The following FGF12 variants were observed in gnomAD, a reference collection of about 807,000 sequenced individuals.
FGF12 encodes fibroblast growth factor 12.
Under a neutral mutation model 23.6 loss-of-function variants are expected in FGF12, and 14 were observed. The observed-to-expected ratio is 0.59, with a 90% confidence interval of 0.39 to 0.93. The LOEUF (loss-of-function observed/expected upper bound fraction) is 0.93, where lower values mean the gene tolerates loss of function less well. Ranked by LOEUF, FGF12 falls within the 40% of genes least tolerant of loss-of-function variation. The probability of loss-of-function intolerance (pLI) is 0.00; values close to 1 mark genes in which losing one functional copy is unlikely to be tolerated. For synonymous variants in FGF12, 62 were observed against 77.3 expected (o/e 0.80, Z 1.04); for missense variants, 175 against 217.8 (o/e 0.80, Z 1.24).
chr3:192,539,288 G>C (rs3907651), intron 2 of FGF12, among the ~76,000 whole-genome samples: 109,128 of 152,082 alleles, frequency 0.72, 39,516 homozygotes, highest in African/African-American at 0.81. Flanking sequence ...TCATATATGG[G>C]TTTTATTGTG....
At chr3:192,165,517 AT>A (rs72495238) in intron 5 of FGF12, among the ~76,000 whole-genome samples, 33,806 of 145,384 alleles carry the variant, frequency 0.23, 4,509 homozygotes, top group East Asian at 0.67. Flanking sequence ...ATCTGGTCCA[AT>A]TTTTTTTTTT....
chr3:192,222,631 G>A (rs1466844570), intron 4 of FGF12, among the ~76,000 whole-genome samples: 2 of 152,012 alleles, frequency 1.3e-5, no homozygotes, highest in African/African-American at 2.4e-5. Flanking sequence ...AGAGTGTCTG[G>A]GAAACAGGCT....
chr3:192,699,141 C>A (rs555731467), intron 2 of FGF12, among the ~76,000 whole-genome samples: 1 of 152,160 alleles, frequency 6.6e-6, no homozygotes, highest in Non-Finnish European at 1.5e-5. Context: ...CTTCTTATTC[C>A]TGGTTTCTAG....
chr3:192,441,004 T>A (rs1203463659), intron 2 of FGF12, among the ~76,000 whole-genome samples: 3 of 152,210 alleles, frequency 2.0e-5, no homozygotes, highest in Admixed American at 2.0e-4. Flanking sequence ...TCTGATAAAT[T>A]AAATACTGTT....
At chr3:192,678,755 G>A (rs1044682889) in intron 2 of FGF12, among the ~76,000 whole-genome samples, 32 of 152,228 alleles carry the variant, frequency 2.1e-4, no homozygotes, top group African/African-American at 6.3e-4. Flanking sequence ...AGTGCATGGC[G>A]GTAAAGAATC....
At chr3:192,245,272 T>TTTTA (rs760993291) in intron 4 of FGF12, among the ~76,000 whole-genome samples, 86 of 129,368 alleles carry the variant, frequency 6.6e-4, no homozygotes, top group African/African-American at 2.2e-3. Flanking sequence ...TTTTATTTTG[T>TTTTA]TTTATTTATT....
chr3:192,426,956 C>T (rs959493432), intron 2 of FGF12, among the ~76,000 whole-genome samples: 2 of 152,056 alleles, frequency 1.3e-5, no homozygotes, highest in Non-Finnish European at 2.9e-5. Context: ...CTTACTGATA[C>T]GATTATTTTG....
rs1491260156 is a variant in FGF12 at position 192,460,676 on chromosome 3, A to ACATATT, written c.14-100139_14-100138insAATATG. The stretch of plus-strand genomic sequence containing the variant: ...TATATACATATACACACACACACAC[A>ACATATT]TATATTTATATATATATATATATAT... On this transcript the variant is annotated intron_variant, in intron 2 of 5. Transcript: ENST00000445105. Among the ~76,000 whole-genome samples the ACATATT allele has an allele frequency of 4.0e-3, 517 of 129,718 alleles. 4 individuals are homozygous for ACATATT. Among genetic ancestry groups the ACATATT allele is most frequent in the African/African-American group, 0.015 (489 of 32,390 alleles). The allele number at this position is 129,718 out of a possible 152,430, so 85.1% of individuals were successfully genotyped here.
chr3:192,518,850 T>G (rs1724744433), intron 2 of FGF12, among the ~76,000 whole-genome samples: 1 of 152,110 alleles, frequency 6.6e-6, no homozygotes, highest in Non-Finnish European at 1.5e-5. Flanking sequence ...TCTTCTTCCT[T>G]TTGTTCTTTT....
chr3:192,242,920 T>C (rs568378020), intron 4 of FGF12, among the ~76,000 whole-genome samples: 2 of 152,106 alleles, frequency 1.3e-5, no homozygotes, highest in East Asian at 3.9e-4. Flanking sequence ...TGAAAAATAG[T>C]AAGAAAATTT....
At chr3:192,212,874 A>G (rs1459104737) in intron 4 of FGF12, among the ~76,000 whole-genome samples, 1 of 152,150 alleles carries the variant, frequency 6.6e-6, no homozygotes. Flanking sequence ...TTTGGTGGAG[A>G]CAATCTCGTT....
At chr3:192,628,442 TACACACACACAC>T (rs60991895) in intron 2 of FGF12, among the ~76,000 whole-genome samples, 3,632 of 134,908 alleles carry the variant, frequency 0.027, 69 homozygotes, top group Non-Finnish European at 0.038. Flanking sequence ...ACCAAAGGAA[TACACACACACAC>T]ACACACACAC....
intron 2 of FGF12, among the ~76,000 whole-genome samples, chr3:192,410,933 C>A (rs558634707): frequency 6.6e-6 from 1 of 152,152 alleles, no homozygotes; most frequent in African/African-American, 2.4e-5. Flanking sequence ...AGTCTGGGAG[C>A]GGCTATTGGT....
intron 2 of FGF12, among the ~76,000 whole-genome samples, chr3:192,485,975 G>A (rs1041238575): frequency 5.3e-5 from 8 of 151,940 alleles, no homozygotes; most frequent in Admixed American, 3.3e-4. Context: ...TGCCATATAC[G>A]TGCATATATA....
intron 4 of FGF12, among the ~76,000 whole-genome samples, chr3:192,328,769 A>G (rs1716957751): frequency 6.6e-6 from 1 of 152,214 alleles, no homozygotes; most frequent in South Asian, 2.1e-4. Flanking sequence ...ATGACAGCTA[A>G]CTAATTATGA....
intron 2 of FGF12, among the ~76,000 whole-genome samples, chr3:192,581,922 C>G (rs887455971): frequency 2.6e-5 from 4 of 151,362 alleles, no homozygotes; most frequent in African/African-American, 9.7e-5. Flanking sequence ...ATGCCTTACT[C>G]TCTTCAGGGT....
intron 2 of FGF12, among the ~76,000 whole-genome samples, chr3:192,676,925 A>G (rs532990936): frequency 6.6e-6 from 1 of 152,292 alleles, no homozygotes; most frequent in East Asian, 1.9e-4. Flanking sequence ...GAGAAAATAC[A>G]TTTCTGTTAT....
chr3:192,472,966 C>T (rs986738161), intron 2 of FGF12, among the ~76,000 whole-genome samples: 1 of 152,180 alleles, frequency 6.6e-6, no homozygotes, highest in Non-Finnish European at 1.5e-5. Context: ...AAGTCTCTCC[C>T]TATGTCTCTC....
intron 4 of FGF12, among the ~76,000 whole-genome samples, chr3:192,278,212 C>G (rs1713922376): frequency 6.6e-6 from 1 of 152,086 alleles, no homozygotes; most frequent in South Asian, 2.1e-4. Context: ...ACTAAGGCAT[C>G]AGGGAATAGA....
Sources: allele counts gnomAD v4.1 joint callset (sites outside exome capture counted in the v4.1 genomes callset), GRCh38; gene constraint gnomAD v4.1.1; transcripts MANE v1.5; gene names NCBI Gene and HGNC (gene_info 2026-07-23, HGNC 2026-07-21).